The following DENND1A variants were observed in gnomAD, a reference collection of about 807,000 sequenced individuals.
The protein encoded by DENND1A is DENN domain-containing protein 1A.
A neutral mutation model predicts 113.7 loss-of-function variants in DENND1A; 51 were observed. The observed-to-expected ratio is 0.45, with a 90% confidence interval of 0.36 to 0.57. The LOEUF is 0.57. Ranked by LOEUF, DENND1A falls within the 20% of genes least tolerant of loss-of-function variation. The probability of loss-of-function intolerance (pLI) is 0.00; values close to 1 mark genes in which losing one functional copy is unlikely to be tolerated. For synonymous variants in DENND1A, 565 were observed against 570.8 expected (o/e 0.99, Z 0.14); for missense variants, 1,258 against 1,395.9 (o/e 0.90, Z 1.57).
At chr9:123,591,918 CA>C (rs764543263) in intron 11 of DENND1A, among the ~76,000 whole-genome samples, 7 of 152,134 alleles carry the variant, frequency 4.6e-5, no homozygotes, top group Non-Finnish European at 1.0e-4. Flanking sequence ...CACAGAAAGC[CA>C]GATAGGAGTT....
Position 123,383,905 on chromosome 9 carries a change from G to A in DENND1A, c.1769C>T (p.Pro590Leu), listed in dbSNP as rs1000902921. 4.6e-5 allele frequency: 74 copies of A among 1,609,742 alleles called. No individual in the cohort carries two copies. Among genetic ancestry groups the A allele is most frequent in the Non-Finnish European group, 6.0e-5 (71 of 1,179,454 alleles). The stretch of plus-strand genomic sequence containing the variant: ...GTCTGACTCCCTGAGTGTCCGATAC[G>A]GCTGCGGCCTGTCGGGGACAGAGCA... ...FFSAPFEWPQ[P>L]YRTLRESDSA... is the part of the protein sequence containing the mutation. The change falls in exon 23 of 24, where the codon CCG becomes CTG. Residue 590 changes from proline (P) to leucine (L), a missense_variant. Physicochemically the swap from Pro to Leu is moderately conservative, Grantham distance 98. Around this residue, in one of 2 missense-constraint regions of DENND1A, gnomAD observed 1,159 missense variants for 1,231.7 expected, o/e 0.94. Transcript: ENST00000394215.
intron 1 of DENND1A, among the ~76,000 whole-genome samples, chr9:123,918,078 C>A (rs1855508702): frequency 6.6e-6 from 1 of 150,988 alleles, no homozygotes; most frequent in Admixed American, 6.6e-5. Flanking sequence ...CGCGTCACTG[C>A]ACTCCAGCCT....
intron 20 of DENND1A, among the ~76,000 whole-genome samples, chr9:123,408,250 T>A (rs2044037041): frequency 6.6e-6 from 1 of 152,166 alleles, no homozygotes. Context: ...GGGTTCCATA[T>A]GCCGAGTCTC....
chr9:123,408,539 C>T (rs1190409764), intron 20 of DENND1A, among the ~76,000 whole-genome samples: 1 of 152,136 alleles, frequency 6.6e-6, no homozygotes, highest in African/African-American at 2.4e-5. Context: ...TGCCTAAGGT[C>T]GCACAGCCAG....
intron 19 of DENND1A, among the ~76,000 whole-genome samples, chr9:123,418,938 G>A (rs1295470217): frequency 5.3e-5 from 8 of 152,240 alleles, no homozygotes; most frequent in East Asian, 1.9e-4. Context: ...GGATGGACCC[G>A]TGGATTCACT....
intron 13 of DENND1A, among the ~76,000 whole-genome samples, chr9:123,517,014 G>T (rs996721409): frequency 6.6e-6 from 1 of 151,138 alleles, no homozygotes; most frequent in East Asian, 1.9e-4. Flanking sequence ...AACTGGAATT[G>T]CTGGGAATTT....
chr9:123,454,740 C>A lies in DENND1A; in HGVS notation c.1226G>T (p.Arg409Leu). 1 of 1,554,550 alleles carries A rather than the reference C, an allele frequency of 6.4e-7. No homozygotes were observed. Among genetic ancestry groups the A allele is most frequent in the Non-Finnish European group, 8.7e-7 (1 of 1,148,354 alleles). Residue 409 changes from arginine (R) to leucine (L), a missense_variant and splice_region_variant, in exon 16 of 24, where the codon CGG becomes CTG. Coordinates refer to ENST00000394215, the MANE Select transcript of DENND1A (RefSeq NM_001352964.2). Reference sequence around the variant, plus strand: ...GCTCTGAATTGGGTGCATGCTTACCCGGACAGTGGAGAGCCACTGATGGTA... The same window carrying A: ...GCTCTGAATTGGGTGCATGCTTACCAGGACAGTGGAGAGCCACTGATGGTA... ...KLYHQWLSTV[R>L]KGSGAILNTV...
intron 5 of DENND1A, among the ~76,000 whole-genome samples, chr9:123,690,677 T>A (rs1225362170): frequency 6.6e-6 from 1 of 151,188 alleles, no homozygotes; most frequent in Non-Finnish European, 1.5e-5. Context: ...CCCCTCCTTT[T>A]CTTTCTTTAA....
At chr9:123,542,187 G>A (rs2056340527) in intron 13 of DENND1A, among the ~76,000 whole-genome samples, 1 of 152,188 alleles carries the variant, frequency 6.6e-6, no homozygotes, top group Non-Finnish European at 1.5e-5. Context: ...AGCCCATAAA[G>A]TTTTAAATAC....
intron 13 of DENND1A, among the ~76,000 whole-genome samples, chr9:123,486,981 C>T (rs989171790): frequency 6.6e-6 from 1 of 152,170 alleles, no homozygotes; most frequent in African/African-American, 2.4e-5. Context: ...CAGAAGTGAT[C>T]GACACTAACT....
intron 5 of DENND1A, among the ~76,000 whole-genome samples, chr9:123,706,704 G>A (rs958299843): frequency 6.7e-6 from 1 of 149,122 alleles, no homozygotes. Context: ...CCAGGAGGGG[G>A]AGCTTGCAGT....
At chr9:123,731,073 C>T (rs1036440996) in intron 5 of DENND1A, among the ~76,000 whole-genome samples, 4 of 151,500 alleles carry the variant, frequency 2.6e-5, no homozygotes, top group African/African-American at 7.3e-5. Flanking sequence ...CACATGGACA[C>T]GGAGGGGAAC....
At chr9:123,735,453 ACT>A (rs1281186250) in intron 5 of DENND1A, among the ~76,000 whole-genome samples, 3 of 152,164 alleles carry the variant, frequency 2.0e-5, no homozygotes, top group African/African-American at 2.4e-5. Flanking sequence ...CACAGCTCAC[ACT>A]CTCTGCACTC....
chr9:123,422,745 C>A lies in DENND1A; in HGVS notation c.1489-10916G>T, dbSNP rs2045407575. On this transcript the variant is annotated intron_variant, in intron 19 of 23. Coordinates refer to ENST00000394215, the MANE Select transcript of DENND1A (RefSeq NM_001352964.2). The surrounding 1 kb of genome is among the most constrained non-coding windows in gnomAD (Gnocchi z 4.8). The stretch of plus-strand genomic sequence containing the variant: ...TGTACGGACTGCACACAGCTCCCTG[C>A]AATGTGTGTTTGACAGGACTGACAT... Among the ~76,000 whole-genome samples the A allele has an allele frequency of 6.6e-6, 1 of 152,212 alleles. No homozygotes were observed. Among genetic ancestry groups the A allele is most frequent in the Non-Finnish European group, 1.5e-5 (1 of 68,038 alleles).
At chr9:123,521,110 A>G (rs528690688) in intron 13 of DENND1A, among the ~76,000 whole-genome samples, 29 of 152,284 alleles carry the variant, frequency 1.9e-4, no homozygotes, top group African/African-American at 6.7e-4. Context: ...GCCGAGACAC[A>G]TTACCAAGAC....
rs12341544 is a variant in DENND1A, at chr9:123,846,345, T to G, written c.88+32606A>C. Among the ~76,000 whole-genome samples, 661 of 152,332 alleles carry G rather than the reference T, an allele frequency of 4.3e-3. 4 individuals are homozygous for G. Among genetic ancestry groups the G allele is most frequent in the African/African-American group, 0.015 (625 of 41,580 alleles). On this transcript the variant is annotated intron_variant, in intron 2 of 23. Coordinates refer to ENST00000394215, the MANE Select transcript of DENND1A (RefSeq NM_001352964.2). ...GATCCAGCAATGCCATTCCTAGGTATATACCCAAAGGAATTGAAAGCAGAA... is the reference window on the plus strand; with the variant it reads ...GATCCAGCAATGCCATTCCTAGGTAGATACCCAAAGGAATTGAAAGCAGAA...
intron 5 of DENND1A, among the ~76,000 whole-genome samples, chr9:123,725,153 G>T (rs909274137): frequency 6.6e-6 from 1 of 152,218 alleles, no homozygotes; most frequent in African/African-American, 2.4e-5. Flanking sequence ...TAAAGCTTTA[G>T]ATAAAGCTAA....
intron 2 of DENND1A, chr9:123,843,206 A>G: frequency 1.8e-6 from 1 of 544,152 alleles, no homozygotes; most frequent in East Asian, 4.9e-5. Context: ...TCAATCTAGT[A>G]TTATATTTAG....
intron 2 of DENND1A, among the ~76,000 whole-genome samples, chr9:123,804,759 C>CA (rs1229297479): frequency 2.0e-5 from 3 of 152,276 alleles, no homozygotes; most frequent in African/African-American, 7.2e-5. Flanking sequence ...AAATTCTGAC[C>CA]ATTTCACTCT....
Sources: allele counts gnomAD v4.1 joint callset (sites outside exome capture counted in the v4.1 genomes callset), GRCh38; gene constraint gnomAD v4.1.1; regional missense constraint gnomAD v4.1.1; non-coding constraint Gnocchi (gnomAD v3.1); transcripts MANE v1.5; gene names NCBI Gene and HGNC (gene_info 2026-07-23, HGNC 2026-07-21).